Variants in PPP2R2B observed in about 807,000 individuals in gnomAD.
The protein encoded by PPP2R2B is serine/threonine-protein phosphatase 2A 55 kDa regulatory subunit B beta isoform.
A neutral mutation model predicts 46.0 loss-of-function variants in PPP2R2B; 5 were observed. The ratio of observed to expected loss-of-function variants is 0.11; its 90% confidence interval spans 0.06 to 0.23. The LOEUF (loss-of-function observed/expected upper bound fraction) is 0.23. PPP2R2B is among the 10% of genes least tolerant of loss of function. The pLI is 1.00. For missense variants in PPP2R2B, 367 were observed against 575.0 expected (o/e 0.64, Z 3.70); for synonymous variants, 215 against 206.7 (o/e 1.04, Z -0.34).
intron 1 of PPP2R2B, among the ~76,000 whole-genome samples, chr5:146,985,607 T>A (rs1240622010): frequency 6.6e-6 from 1 of 152,162 alleles, no homozygotes; most frequent in African/African-American, 2.4e-5. Flanking sequence ...AGCCCACGGC[T>A]AACATTATAC....
chr5:146,902,087 A>T (rs983578203), intron 1 of PPP2R2B, among the ~76,000 whole-genome samples: 1 of 152,162 alleles, frequency 6.6e-6, no homozygotes, highest in African/African-American at 2.4e-5. Context: ...TGTTTGACTT[A>T]CCTAAAGACC....
At chr5:146,927,396 T>C (rs1763816641) in intron 1 of PPP2R2B, among the ~76,000 whole-genome samples, 1 of 152,124 alleles carries the variant, frequency 6.6e-6, no homozygotes, top group African/African-American at 2.4e-5. Flanking sequence ...AGCAATAAAA[T>C]CTTTCTTGCA....
intron 2 of PPP2R2B, among the ~76,000 whole-genome samples, chr5:146,768,977 A>C (rs1246309932): frequency 1.3e-5 from 2 of 151,666 alleles, no homozygotes; most frequent in Non-Finnish European, 2.9e-5. Context: ...TCTCAGGTTC[A>C]AGTGATTCTC....
chr5:146,633,738 T>C (rs1388100217), intron 7 of PPP2R2B, among the ~76,000 whole-genome samples: 1 of 152,166 alleles, frequency 6.6e-6, no homozygotes, highest in East Asian at 1.9e-4. Context: ...TGGGGCTGTG[T>C]GGGGCTGAGG....
At chr5:146,609,641 G>A (rs939013433) in intron 7 of PPP2R2B, among the ~76,000 whole-genome samples, 2 of 149,400 alleles carry the variant, frequency 1.3e-5, no homozygotes, top group South Asian at 2.2e-4. Flanking sequence ...TGTGCGCACC[G>A]TGCGCGAGCC....
intron 7 of PPP2R2B, among the ~76,000 whole-genome samples, chr5:146,604,591 G>A (rs943908035): frequency 1.3e-5 from 2 of 152,186 alleles, no homozygotes; most frequent in Admixed American, 6.5e-5. Context: ...CAACAGGAGC[G>A]TATGTCTTGG....
chr5:146,714,668 A>G (rs1780392029), intron 2 of PPP2R2B, among the ~76,000 whole-genome samples: 1 of 152,224 alleles, frequency 6.6e-6, no homozygotes, highest in African/African-American at 2.4e-5. Context: ...CTGGATAGTA[A>G]GAAAAATGCT....
chr5:146,786,788 A>G (rs918964126), intron 2 of PPP2R2B, among the ~76,000 whole-genome samples: 1 of 152,204 alleles, frequency 6.6e-6, no homozygotes. Context: ...GTTCCTTTTT[A>G]TTACAGATCA....
chr5:146,698,409 C>T (rs1252502356), intron 3 of PPP2R2B, among the ~76,000 whole-genome samples: 1 of 136,170 alleles, frequency 7.3e-6, no homozygotes, highest in African/African-American at 2.7e-5. Flanking sequence ...ATACATAATA[C>T]ATACATAGAA....
chr5:146,931,116 T>G (rs1422198973), intron 1 of PPP2R2B, among the ~76,000 whole-genome samples: 1 of 152,154 alleles, frequency 6.6e-6, no homozygotes, highest in Non-Finnish European at 1.5e-5. Flanking sequence ...CTTCTATAGT[T>G]GAGCTCTTCT....
At chr5:146,960,836 T>C (rs931996378) in intron 1 of PPP2R2B, among the ~76,000 whole-genome samples, 3 of 152,186 alleles carry the variant, frequency 2.0e-5, no homozygotes, top group Non-Finnish European at 4.4e-5. Flanking sequence ...CTGCAAGCCC[T>C]TTTTCGTTGT....
chr5:146,728,408 T>A (rs568367416), intron 2 of PPP2R2B, among the ~76,000 whole-genome samples: 1 of 152,278 alleles, frequency 6.6e-6, no homozygotes, highest in Non-Finnish European at 1.5e-5. Context: ...GTGTGTTTAT[T>A]TTTTCTCTCA....
intron 2 of PPP2R2B, among the ~76,000 whole-genome samples, chr5:146,733,734 C>A (rs6872998): frequency 3.5e-5 from 5 of 141,196 alleles, no homozygotes; most frequent in African/African-American, 1.1e-4. Context: ...AACACACACA[C>A]GTCATTTATA....
chr5:147,034,215 TG>T (rs1173506833), intron 1 of PPP2R2B, among the ~76,000 whole-genome samples: 3 of 152,318 alleles, frequency 2.0e-5, no homozygotes, highest in Non-Finnish European at 4.4e-5. Context: ...GGTTTTTGTA[TG>T]GCTGATGACC....
chr5:147,024,153 C>CTCTATCTATCTATCTA lies in PPP2R2B; in HGVS notation c.79+31496_79+31511dup, dbSNP rs57080635. 2.8e-3 allele frequency among the ~76,000 whole-genome samples: 403 copies of CTCTATCTATCTATCTA among 145,638 alleles called. 2 individuals carry two copies. Among genetic ancestry groups the CTCTATCTATCTATCTA allele is most frequent in the Middle Eastern group, 3.5e-3 (1 of 284 alleles). On this transcript the variant is annotated intron_variant, in intron 1 of 8. Transcript: ENST00000336640. The stretch of plus-strand genomic sequence containing the variant: ...GCCAATTCTCATAATAAATCCCCTC[C>CTCTATCTATCTATCTA]TCTATCTATCTATCTATCTATCTAT...
chr5:146,812,830 C>G (rs367272), intron 2 of PPP2R2B, among the ~76,000 whole-genome samples: 1 of 23,888 alleles, frequency 4.2e-5, no homozygotes. Context: ...TATATATATA[C>G]ACACACATTT....
chr5:146,746,500 C>G (rs915887822), intron 2 of PPP2R2B, among the ~76,000 whole-genome samples: 1 of 152,162 alleles, frequency 6.6e-6, no homozygotes, highest in African/African-American at 2.4e-5. Context: ...GAGAAAGGAA[C>G]AGGAGGATGA....
At chr5:146,756,019 A>G (rs543785866) in intron 2 of PPP2R2B, among the ~76,000 whole-genome samples, 1 of 152,346 alleles carries the variant, frequency 6.6e-6, no homozygotes, top group Admixed American at 6.5e-5. Flanking sequence ...TTACATTTGC[A>G]TATCTCTGAC....
chr5:147,059,475 TGGTGTCATTATAA>T (rs1321066090), upstream of PPP2R2B, among the ~76,000 whole-genome samples: 2 of 151,980 alleles, frequency 1.3e-5, no homozygotes, highest in Non-Finnish European at 2.9e-5. Context: ...AGGAGAGGAA[TGGTGTCATTATAA>T]GGAGAAGGGA....
Sources: gnomAD v4.1 joint callset for allele counts (sites outside exome capture counted in the v4.1 genomes callset) on GRCh38, gnomAD v4.1.1 for gene constraint, MANE v1.5 for transcripts, NCBI Gene and HGNC (gene_info 2026-07-23, HGNC 2026-07-21) for gene names.